UBE2G1: variants seen among roughly 807,000 people sequenced by gnomAD.
UBE2G1 encodes ubiquitin conjugating enzyme E2 G1.
Under a neutral mutation model 22.7 loss-of-function variants are expected in UBE2G1, and 5 were observed. The ratio of observed to expected loss-of-function variants is 0.22; its 90% CI spans 0.12 to 0.46. UBE2G1 has a LOEUF of 0.46. Among genes scored for constraint, UBE2G1 ranks in the 20% least tolerant of loss-of-function variants. UBE2G1 has a pLI of 0.99. For missense variants in UBE2G1, 88 were observed against 203.9 expected, an observed-to-expected ratio of 0.43 and a Z score of 3.46; for synonymous variants, 74 against 67.5, an observed-to-expected ratio of 1.10 and a Z score of -0.47.
chr17:4,360,099 T>C (rs762271522), intron 1 of UBE2G1, among the ~76,000 whole-genome samples: 24 of 152,172 alleles, frequency 1.6e-4, no homozygotes, highest in Non-Finnish European at 3.1e-4. Context: ...CTATTAACCA[T>C]ATAAAACTAC....
At chr17:4,364,816 A>T (rs989003004) in intron 1 of UBE2G1, among the ~76,000 whole-genome samples, 8 of 139,740 alleles carry the variant, frequency 5.7e-5, no homozygotes, top group Non-Finnish European at 1.1e-4. Context: ...TCCTGTCCTA[A>T]GGTGATCCGC....
In UBE2G1 at chr17:4,270,113, A is replaced by G. The variant is rs1968736894; in HGVS notation, c.*2441T>C. 6.6e-6 allele frequency: 1 copy of G among 152,424 alleles called. No homozygotes were observed. 9.4% of individuals were successfully genotyped at this position (152,424 alleles called of 1,614,324 possible). A position where few individuals can be genotyped will look rare whatever the true frequency, so the allele number is the denominator to read the frequency against. ...GGAGACGCACTCATGCCTGGCTCTC[A>G]CTTCCACTCCCGTAGAGCTAGCCCT... On this transcript the variant is annotated 3_prime_UTR_variant, in exon 6 of 6. Transcript: ENST00000396981.
At chr17:4,353,842 G>A (rs370539164) in intron 1 of UBE2G1, among the ~76,000 whole-genome samples, 30 of 114,158 alleles carry the variant, frequency 2.6e-4, no homozygotes, top group African/African-American at 9.9e-4. Flanking sequence ...TTTTGAGACA[G>A]AGTCTCACTC....
chr17:4,285,288 G>C (rs962228536), intron 4 of UBE2G1, among the ~76,000 whole-genome samples: 2 of 151,318 alleles, frequency 1.3e-5, no homozygotes, highest in African/African-American at 4.9e-5. Context: ...AGTACAATGG[G>C]GAAAAAAAGA....
At chr17:4,333,680 G>A (rs1436997874) in intron 1 of UBE2G1, among the ~76,000 whole-genome samples, 1 of 152,082 alleles carries the variant, frequency 6.6e-6, no homozygotes, top group Admixed American at 6.6e-5. Context: ...AATTAGATGG[G>A]TGTGGTGGCA....
chr17:4,346,373 G>A (rs928663430), intron 1 of UBE2G1, among the ~76,000 whole-genome samples: 3 of 151,168 alleles, frequency 2.0e-5, no homozygotes, highest in Non-Finnish European at 4.4e-5. Context: ...GTTTTGTATG[G>A]TCCTTCACAG....
intron 1 of UBE2G1, among the ~76,000 whole-genome samples, chr17:4,336,864 C>CA (rs1323604734): frequency 1.3e-5 from 2 of 152,050 alleles, no homozygotes; most frequent in African/African-American, 4.8e-5. Context: ...ACATAAACGA[C>CA]AAAATGGCTG....
At chr17:4,289,741 G>A (rs1969011571) in intron 3 of UBE2G1, among the ~76,000 whole-genome samples, 1 of 152,186 alleles carries the variant, frequency 6.6e-6, no homozygotes. Context: ...ACTATTGGAT[G>A]TGTTCTTCAT....
intron 4 of UBE2G1, among the ~76,000 whole-genome samples, chr17:4,283,471 G>A (rs1198783663): frequency 6.6e-6 from 1 of 152,174 alleles, no homozygotes; most frequent in Non-Finnish European, 1.5e-5. Context: ...CTGCACTGCA[G>A]CCTGGACGAC....
At chr17:4,282,418 A>G (rs977665547) in intron 5 of UBE2G1, among the ~76,000 whole-genome samples, 1 of 152,314 alleles carries the variant, frequency 6.6e-6, no homozygotes, top group African/African-American at 2.4e-5. Flanking sequence ...TAGATGACTA[A>G]TAGTCTTGCC....
intron 1 of UBE2G1, among the ~76,000 whole-genome samples, chr17:4,337,489 C>T (rs1273132461): frequency 6.6e-6 from 1 of 151,508 alleles, no homozygotes; most frequent in Non-Finnish European, 1.5e-5. Context: ...CCTGACTCTA[C>T]TAAAAATACA....
Position 4,269,282 on chromosome 17 carries a change from T to C in UBE2G1, c.*3272A>G, listed in dbSNP as rs547289040. ...GATACAGCCTCTAAGTCATCATTTA[T>C]TGATTTATAGAGCACTCATCACATG... On this transcript the variant is annotated 3_prime_UTR_variant, in exon 6 of 6. Transcript: ENST00000396981. The C allele has an allele frequency of 6.5e-6, 1 of 152,700 alleles. No homozygotes were observed. Among genetic ancestry groups the C allele is most frequent in the African/African-American group, 2.4e-5 (1 of 41,568 alleles). 9.5% of individuals were successfully genotyped at this position (152,700 alleles called of 1,614,324 possible). A position where few individuals can be genotyped will look rare whatever the true frequency, so the allele number is the denominator to read the frequency against.
chr17:4,281,940 G>A (rs975130464), intron 5 of UBE2G1, among the ~76,000 whole-genome samples: 1 of 151,832 alleles, frequency 6.6e-6, no homozygotes, highest in African/African-American at 2.4e-5. Context: ...CTCTTCTAAG[G>A]TGGATGGGTG....
rs1333734171 is a variant in UBE2G1, at chr17:4,366,628, C to T, written c.-312G>A. On this transcript the variant is annotated 5_prime_UTR_variant, in exon 1 of 6. Transcript: ENST00000396981. The stretch of plus-strand genomic sequence containing the variant: ...CGGCCCCACCGGTGCCTTCCCCCGC[C>T]ACTGCCTCACTGCGCGCAGGGCCGC... The T allele has an allele frequency of 1.0e-5, 3 of 293,628 alleles. No homozygotes were observed. Among genetic ancestry groups the T allele is most frequent in the South Asian group, 8.4e-5 (1 of 11,856 alleles). The allele number at this position is 293,628 out of a possible 1,614,324, so 18.2% of individuals were successfully genotyped here.
intron 1 of UBE2G1, among the ~76,000 whole-genome samples, chr17:4,314,256 A>G (rs748411149): frequency 3.9e-5 from 6 of 152,194 alleles, no homozygotes; most frequent in African/African-American, 9.7e-5. Flanking sequence ...CATCTCACAC[A>G]TAGCAGACAA....
At chr17:4,351,684 A>G (rs1406944535) in intron 1 of UBE2G1, among the ~76,000 whole-genome samples, 2 of 152,240 alleles carry the variant, frequency 1.3e-5, no homozygotes, top group South Asian at 2.1e-4. Context: ...AGCACAGCCT[A>G]AAGTACTAAT....
At chr17:4,308,309 C>T (rs1404170596) in intron 1 of UBE2G1, among the ~76,000 whole-genome samples, 7 of 152,242 alleles carry the variant, frequency 4.6e-5, no homozygotes, top group Non-Finnish European at 8.8e-5. Context: ...GCCAAGATCG[C>T]GCCATTGCAC....
At chr17:4,345,209 G>C (rs1211502374) in intron 1 of UBE2G1, among the ~76,000 whole-genome samples, 4 of 152,268 alleles carry the variant, frequency 2.6e-5, no homozygotes, top group South Asian at 2.1e-4. Context: ...TTTTATTTTA[G>C]ATTCAGGGGG....
chr17:4,272,298 G>C lies in UBE2G1; in HGVS notation c.*256C>G, dbSNP rs1340607724. 1.3e-5 allele frequency: 2 copies of C among 157,324 alleles called. No homozygotes were observed. The highest frequency in any genetic ancestry group is 1.9e-4 in the East Asian group (1 of 5,210). The allele number at this position is 157,324 out of a possible 1,614,324, so 9.7% of individuals were successfully genotyped here. On this transcript the variant is annotated 3_prime_UTR_variant, in exon 6 of 6. Transcript: ENST00000396981. ...TCCGGATCATGTTGTGCTATGTACAGGTCTTTACAATTCTTCCTGAAGGTT... is the reference window on the plus strand; with the variant it reads ...TCCGGATCATGTTGTGCTATGTACACGTCTTTACAATTCTTCCTGAAGGTT...
Sources: allele counts gnomAD v4.1 joint callset (sites outside exome capture counted in the v4.1 genomes callset), GRCh38; gene constraint gnomAD v4.1.1; transcripts MANE v1.5; gene names NCBI Gene and HGNC (gene_info 2026-07-23, HGNC 2026-07-21).